The following TNS3 variants were observed in gnomAD, a reference collection of about 807,000 sequenced individuals.
The protein encoded by TNS3 is tensin 3, also known as tensin-3.
A neutral mutation model predicts 140.9 loss-of-function variants in TNS3; 45 were observed. That is an observed-to-expected ratio of 0.32 (90% confidence interval 0.25 to 0.41). The LOEUF (loss-of-function observed/expected upper bound fraction) is 0.41, where lower values mean the gene tolerates loss of function less well. Ranked by LOEUF, TNS3 falls within the 10% of genes least tolerant of loss-of-function variation. The pLI, the probability that TNS3 is intolerant of heterozygous loss-of-function variation, is 1.00. For missense variants in TNS3, 1,716 were observed against 1,906.7 expected, an observed-to-expected ratio of 0.90 and a Z score of 1.86; for synonymous variants, 815 against 788.4, an observed-to-expected ratio of 1.03 and a Z score of -0.56.
intron 3 of TNS3, among the ~76,000 whole-genome samples, chr7:47,489,657 C>T (rs1797738822): frequency 1.3e-5 from 2 of 152,208 alleles, no homozygotes; most frequent in Non-Finnish European, 2.9e-5. Flanking sequence ...AGCATAGTAT[C>T]CTGTATCCAT....
intron 4 of TNS3, among the ~76,000 whole-genome samples, chr7:47,460,289 A>T (rs1424990881): frequency 1.3e-5 from 2 of 151,220 alleles, no homozygotes; most frequent in Admixed American, 1.3e-4. Flanking sequence ...ATGTGAGGAC[A>T]CAGGGAGAAA....
intron 4 of TNS3, among the ~76,000 whole-genome samples, chr7:47,476,804 A>C (rs1240510457): frequency 1.3e-5 from 2 of 152,228 alleles, no homozygotes; most frequent in Non-Finnish European, 2.9e-5. Flanking sequence ...CCCTGTGTCC[A>C]TGTAACATAT....
chr7:47,295,898 A>T (rs569926129), intron 24 of TNS3, among the ~76,000 whole-genome samples: 4 of 152,352 alleles, frequency 2.6e-5, no homozygotes, highest in Non-Finnish European at 5.9e-5. Context: ...AAATTCTCTC[A>T]GGTATTAGGC....
At chr7:47,511,590 G>A (rs1454749021) in intron 2 of TNS3, among the ~76,000 whole-genome samples, 1 of 151,538 alleles carries the variant, frequency 6.6e-6, no homozygotes, top group East Asian at 1.9e-4. Context: ...CTAGCAGTGG[G>A]TGCCCGAGAC....
rs1784922075 is a variant in TNS3, at chr7:47,277,566, G to GC, written c.*509dup. On this transcript the variant is annotated 3_prime_UTR_variant, in exon 31 of 31. Transcript: ENST00000311160. ...TTGCACAAACCTTCGTCAAACATAC[G>GC]CCCCCTTCTCAGTTTCGTTAGCATC... 4.9e-6 allele frequency: 1 copy of GC among 206,152 alleles called. No individual in the cohort carries two copies. The highest frequency in any genetic ancestry group is 5.5e-5 in the Admixed American group (1 of 18,300). The allele number at this position is 206,152 out of a possible 1,614,324, so 12.8% of individuals were successfully genotyped here. A position where few individuals can be genotyped will look rare whatever the true frequency, so the allele number is the denominator to read the frequency against.
intron 4 of TNS3, among the ~76,000 whole-genome samples, chr7:47,451,972 G>A (rs897097903): frequency 2.6e-5 from 4 of 152,134 alleles, no homozygotes; most frequent in Admixed American, 2.0e-4. Context: ...CTGATCTTGG[G>A]AATTTACTTG....
At chr7:47,381,728 T>C (rs1282623367) in intron 16 of TNS3, among the ~76,000 whole-genome samples, 1 of 152,196 alleles carries the variant, frequency 6.6e-6, no homozygotes, top group East Asian at 1.9e-4. Context: ...CAGCGCACCC[T>C]TGGGAGAAAC....
intron 2 of TNS3, among the ~76,000 whole-genome samples, chr7:47,509,660 G>C (rs1798538427): frequency 6.6e-6 from 1 of 152,028 alleles, no homozygotes; most frequent in African/African-American, 2.4e-5. Context: ...CAGTGCCCAG[G>C]CCCAGCTTCC....
intron 20 of TNS3, among the ~76,000 whole-genome samples, chr7:47,326,227 T>C (rs143719815): frequency 1.2e-4 from 19 of 152,332 alleles, no homozygotes; most frequent in Admixed American, 2.6e-4. Context: ...CACATAGGTG[T>C]TATCTGATTT....
intron 10 of TNS3, among the ~76,000 whole-genome samples, chr7:47,422,791 C>T (rs1794444454): frequency 6.6e-6 from 1 of 152,002 alleles, no homozygotes; most frequent in Non-Finnish European, 1.5e-5. Context: ...CCTATTTACA[C>T]CTCATTTTCC....
At chr7:47,379,110 A>T (rs1791592530) in intron 16 of TNS3, among the ~76,000 whole-genome samples, 1 of 152,140 alleles carries the variant, frequency 6.6e-6, no homozygotes, top group Non-Finnish European at 1.5e-5. Context: ...GTTAACAATG[A>T]AGCAAGGGGC....
At chr7:47,459,909 G>A (rs1796409788) in intron 4 of TNS3, among the ~76,000 whole-genome samples, 1 of 152,060 alleles carries the variant, frequency 6.6e-6, no homozygotes, top group Non-Finnish European at 1.5e-5. Flanking sequence ...GACCTCAGAG[G>A]GTGACAGTTT....
intron 16 of TNS3, among the ~76,000 whole-genome samples, chr7:47,372,032 G>A: frequency 6.6e-6 from 1 of 152,234 alleles, no homozygotes; most frequent in East Asian, 1.9e-4. Context: ...TTTCTGTTTA[G>A]ATTTCCTGTT....
chr7:47,325,633 T>G (rs1787986661), intron 20 of TNS3, among the ~76,000 whole-genome samples: 1 of 152,156 alleles, frequency 6.6e-6, no homozygotes, highest in African/African-American at 2.4e-5. Flanking sequence ...TACTGTAAAC[T>G]CATTCTGTTT....
intron 27 of TNS3, among the ~76,000 whole-genome samples, chr7:47,288,267 AC>A (rs1001441133): frequency 3.3e-5 from 5 of 152,128 alleles, no homozygotes; most frequent in African/African-American, 1.2e-4. Flanking sequence ...TCTGTCTATG[AC>A]ATGGGATGAC....
chr7:47,464,839 A>C (rs1584718117), intron 4 of TNS3, among the ~76,000 whole-genome samples: 1 of 152,312 alleles, frequency 6.6e-6, no homozygotes, highest in South Asian at 2.1e-4. Flanking sequence ...GGAACACTGC[A>C]ACATAACTTC....
chr7:47,307,787 C>T (rs1414700959), intron 20 of TNS3, among the ~76,000 whole-genome samples: 1 of 151,756 alleles, frequency 6.6e-6, no homozygotes, highest in African/African-American at 2.4e-5. Context: ...TCCTTTTTTT[C>T]ACTAGGTTGT....
In TNS3 at chr7:47,290,746, G is replaced by T. The variant is rs973704123; in HGVS notation, c.3928+1209C>A. Among the ~76,000 whole-genome samples the T allele has an allele frequency of 2.0e-5, 3 of 152,150 alleles. No homozygotes were observed. In the East Asian group the frequency reaches 5.8e-4, roughly 29 times the overall value. ...TTCATTGCTAGTGGGAATGCAAAAT[G>T]GGACAGCCACATTGGAAGACAGTTT... On this transcript the variant is annotated intron_variant, in intron 27 of 30. Coordinates refer to ENST00000311160, the MANE Select transcript of TNS3 (RefSeq NM_022748.12).
intron 2 of TNS3, among the ~76,000 whole-genome samples, chr7:47,507,844 C>T (rs1798476801): frequency 6.6e-6 from 1 of 152,198 alleles, no homozygotes; most frequent in African/African-American, 2.4e-5. Flanking sequence ...TTTGCCAGCC[C>T]ACAGGGACAG....
Sources: allele counts gnomAD v4.1 joint callset (sites outside exome capture counted in the v4.1 genomes callset), GRCh38; gene constraint gnomAD v4.1.1; transcripts MANE v1.5; gene names NCBI Gene and HGNC (gene_info 2026-07-23, HGNC 2026-07-21).